Variants in ZFHX3 observed in about 807,000 individuals in gnomAD.
ZFHX3 encodes the protein zinc finger homeobox protein 3.
A neutral mutation model predicts 279.1 loss-of-function variants in ZFHX3; 42 were observed. The ratio of observed to expected loss-of-function variants is 0.15; its 90% CI spans 0.12 to 0.19. ZFHX3 has a LOEUF of 0.19. Ranked by LOEUF, ZFHX3 falls within the 10% of genes least tolerant of loss-of-function variation. ZFHX3 has a pLI of 1.00. For missense variants in ZFHX3, 4,981 were observed against 4,754.0 expected (o/e 1.05, Z -1.40); for synonymous variants, 2,293 against 1,957.8 (o/e 1.17, Z -4.52).
At chr16:73,313,128 G>A (rs1490266116) in intron 4 of ZFHX3, among the ~76,000 whole-genome samples, 1 of 152,128 alleles carries the variant, frequency 6.6e-6, no homozygotes, top group Non-Finnish European at 1.5e-5. Flanking sequence ...GTTTAAAAGT[G>A]TGTGGCACCT....
At chr16:73,453,592 C>A (rs1485243193) in intron 3 of ZFHX3, among the ~76,000 whole-genome samples, 1 of 152,174 alleles carries the variant, frequency 6.6e-6, no homozygotes, top group Non-Finnish European at 1.5e-5. Flanking sequence ...AATGAAGGAA[C>A]CGTCTCAAAC....
At chr16:73,620,369 A>G (rs2052346462) in intron 2 of ZFHX3, among the ~76,000 whole-genome samples, 3 of 152,248 alleles carry the variant, frequency 2.0e-5, no homozygotes, top group African/African-American at 2.4e-5. Flanking sequence ...AAATGGGGGA[A>G]AAAAACAAAA....
At chr16:73,210,040 T>C (rs2011954821) in intron 5 of ZFHX3, among the ~76,000 whole-genome samples, 1 of 152,194 alleles carries the variant, frequency 6.6e-6, no homozygotes, top group South Asian at 2.1e-4. Flanking sequence ...CTGAAGTTTA[T>C]GGATACCCCA....
chr16:73,801,476 C>T (rs938116248), intron 1 of ZFHX3, among the ~76,000 whole-genome samples: 1 of 152,310 alleles, frequency 6.6e-6, no homozygotes, highest in East Asian at 1.9e-4. Context: ...ACTAATTCTG[C>T]CAGCCAGGAG....
At chr16:72,945,486 C>G (rs551945580) in intron 3 of ZFHX3, among the ~76,000 whole-genome samples, 1 of 152,208 alleles carries the variant, frequency 6.6e-6, no homozygotes, top group East Asian at 1.9e-4. Context: ...GGAAATGAAC[C>G]GCAGGCCTCC....
At chr16:72,964,942 A>T (rs1480491297) in intron 1 of ZFHX3, among the ~76,000 whole-genome samples, 1 of 152,022 alleles carries the variant, frequency 6.6e-6, no homozygotes, top group African/African-American at 2.4e-5. Context: ...CAGTGGTGCG[A>T]TCTCAGCTCA....
At chr16:73,014,166 A>AAC (rs1475223907) in intron 1 of ZFHX3, among the ~76,000 whole-genome samples, 1 of 152,128 alleles carries the variant, frequency 6.6e-6, no homozygotes, top group African/African-American at 2.4e-5. Flanking sequence ...CAGAACCTAG[A>AAC]CCATGCAAGG....
At chr16:72,960,825 A>T (rs972734576) in intron 1 of ZFHX3, among the ~76,000 whole-genome samples, 3 of 152,186 alleles carry the variant, frequency 2.0e-5, no homozygotes, top group Non-Finnish European at 4.4e-5. Flanking sequence ...GCAGGTGTAC[A>T]GGACTAGACA....
chr16:73,043,147 A>T (rs1965175544), intron 1 of ZFHX3, among the ~76,000 whole-genome samples: 1 of 152,304 alleles, frequency 6.6e-6, no homozygotes, highest in East Asian at 1.9e-4. Flanking sequence ...GAGGCAGCAC[A>T]TGTGTTAATA....
In ZFHX3 at chr16:72,850,759, G is replaced by A. The variant is rs143851057; in HGVS notation, c.3449-20900C>T. 2.6e-5 allele frequency among the ~76,000 whole-genome samples: 4 copies of A among 152,262 alleles called. No individual in the cohort carries two copies. The East Asian group carries it at 7.7e-4, about 29-fold the overall frequency. On this transcript the variant is annotated intron_variant, in intron 4 of 9. Coordinates refer to ENST00000268489, the MANE Select transcript of ZFHX3 (RefSeq NM_006885.4). ...AGTTTGCCCCAGATGGGAGCAGCTT[G>A]AAATATTATTCCAGATTTGTTTCTA...
Position 73,591,803 on chromosome 16 carries a change from T to A in ZFHX3, c.-1547+88377A>T, listed in dbSNP as rs145912851. Among the ~76,000 whole-genome samples the A allele has an allele frequency of 1.4e-3, 168 of 124,236 alleles. 1 individual carries two copies. Among genetic ancestry groups the A allele is most frequent in the African/African-American group, 4.7e-3 (158 of 33,414 alleles). 81.5% of individuals were successfully genotyped at this position (124,236 alleles called of 152,430 possible). On this transcript the variant is annotated intron_variant, in intron 2 of 17. Transcript: ENST00000641206. ...TATCAATGAATGTAATGGATGTGGATCTTGATTCAAGGAAATGGTAAAAAA... is the reference window on the plus strand; with the variant it reads ...TATCAATGAATGTAATGGATGTGGAACTTGATTCAAGGAAATGGTAAAAAA...
At chr16:73,533,434 C>T (rs932336496) in intron 2 of ZFHX3, among the ~76,000 whole-genome samples, 5 of 150,054 alleles carry the variant, frequency 3.3e-5, no homozygotes, top group African/African-American at 7.4e-5. Flanking sequence ...CTCTCTCCAT[C>T]TATTCTCCCT....
chr16:73,624,556 C>T (rs1203283033), intron 2 of ZFHX3, among the ~76,000 whole-genome samples: 2 of 149,232 alleles, frequency 1.3e-5, no homozygotes, highest in Non-Finnish European at 3.0e-5. Context: ...ATATCAAAGT[C>T]AAAATTATAG....
intron 3 of ZFHX3, among the ~76,000 whole-genome samples, chr16:73,451,613 T>A (rs1218426012): frequency 6.6e-6 from 1 of 152,242 alleles, no homozygotes; most frequent in Non-Finnish European, 1.5e-5. Flanking sequence ...GTGAGCCACC[T>A]GCACTCTGGG....
At chr16:73,380,957 T>C (rs2143368001) in intron 3 of ZFHX3, among the ~76,000 whole-genome samples, 1 of 152,324 alleles carries the variant, frequency 6.6e-6, no homozygotes, top group East Asian at 1.9e-4. Flanking sequence ...CTTTCAGTCC[T>C]AGATACAGTA....
At chr16:72,882,725 A>G (rs531019853) in intron 4 of ZFHX3, among the ~76,000 whole-genome samples, 39 of 152,190 alleles carry the variant, frequency 2.6e-4, no homozygotes, top group Admixed American at 1.4e-3. Context: ...TATTTTGCAG[A>G]GAGCAAGCAG....
chr16:72,977,399 T>C (rs2144528876), intron 1 of ZFHX3, among the ~76,000 whole-genome samples: 1 of 152,252 alleles, frequency 6.6e-6, no homozygotes, highest in South Asian at 2.1e-4. Context: ...TGTCCATTTA[T>C]AGGGTCGCAT....
At chr16:73,181,086 T>TTTG (rs1555503052) in intron 5 of ZFHX3, among the ~76,000 whole-genome samples, 2 of 76,354 alleles carry the variant, frequency 2.6e-5, no homozygotes, top group Non-Finnish European at 6.6e-5. Context: ...TGTTTGTTTG[T>TTTG]TTTGTTTTGT....
intron 3 of ZFHX3, among the ~76,000 whole-genome samples, chr16:73,416,839 A>C (rs531825237): frequency 6.6e-5 from 10 of 151,488 alleles, no homozygotes; most frequent in East Asian, 1.9e-4. Context: ...GCGCCACTGC[A>C]CTCCAGCCTG....
Sources: allele counts gnomAD v4.1 joint callset (sites outside exome capture counted in the v4.1 genomes callset), GRCh38; gene constraint gnomAD v4.1.1; transcripts MANE v1.5; gene names NCBI Gene and HGNC (gene_info 2026-07-23, HGNC 2026-07-21).